The following SLIT3 variants were observed in gnomAD, a reference collection of about 807,000 sequenced individuals.
SLIT3 encodes slit guidance ligand 3, also known as slit homolog 3 protein.
Under a neutral mutation model 184.0 loss-of-function variants are expected in SLIT3, and 68 were observed. That is an observed-to-expected ratio of 0.37 (90% CI 0.30 to 0.45). The LOEUF is 0.45. SLIT3 is among the 20% of genes least tolerant of loss of function. The pLI, the probability that SLIT3 is intolerant of heterozygous loss-of-function variation, is 1.00. For synonymous variants in SLIT3, 831 were observed against 828.6 expected (o/e 1.00, Z -0.05); for missense variants, 1,707 against 2,026.0 (o/e 0.84, Z 3.02).
intron 8 of SLIT3, among the ~76,000 whole-genome samples, chr5:168,810,767 G>A (rs1012432126): frequency 1.3e-5 from 2 of 152,188 alleles, no homozygotes; most frequent in Non-Finnish European, 2.9e-5. Context: ...CAGAGCCTGG[G>A]AGAATGGAGG....
chr5:169,264,784 A>G (rs948345850), intron 1 of SLIT3, among the ~76,000 whole-genome samples: 2 of 152,190 alleles, frequency 1.3e-5, no homozygotes, highest in African/African-American at 4.8e-5. Flanking sequence ...CTTCGTTCTC[A>G]TCTGTTACAT....
intron 3 of SLIT3, among the ~76,000 whole-genome samples, chr5:169,201,912 T>C (rs1338451784): frequency 2.0e-5 from 3 of 152,232 alleles, no homozygotes; most frequent in Non-Finnish European, 4.4e-5. Context: ...TAACCACCAG[T>C]ATGCCTTAAG....
intron 5 of SLIT3, among the ~76,000 whole-genome samples, chr5:168,882,546 G>A (rs1348333456): frequency 1.3e-5 from 2 of 152,200 alleles, no homozygotes; most frequent in Non-Finnish European, 2.9e-5. Context: ...GTGGAGCTGT[G>A]AAATCTGAAG....
At chr5:168,839,051 G>A (rs1416529182) in intron 6 of SLIT3, among the ~76,000 whole-genome samples, 2 of 152,232 alleles carry the variant, frequency 1.3e-5, no homozygotes, top group South Asian at 2.1e-4. Context: ...TACAACTGCT[G>A]TAACATCAAA....
At chr5:168,989,723 G>A (rs1247417432) in intron 4 of SLIT3, among the ~76,000 whole-genome samples, 1 of 152,170 alleles carries the variant, frequency 6.6e-6, no homozygotes, top group Non-Finnish European at 1.5e-5. Flanking sequence ...CCTAAAACGA[G>A]AAGATCAGAG....
At chr5:168,746,339 G>GTGGTGGTGT (rs1357363246) in intron 20 of SLIT3, among the ~76,000 whole-genome samples, 1 of 63,380 alleles carries the variant, frequency 1.6e-5, no homozygotes, top group Non-Finnish European at 3.2e-5. Flanking sequence ...GTGTGAGTGT[G>GTGGTGGTGT]GTGGTGTGGG....
intron 4 of SLIT3, among the ~76,000 whole-genome samples, chr5:168,889,456 G>T (rs1356127372): frequency 2.0e-5 from 3 of 152,174 alleles, no homozygotes; most frequent in Admixed American, 2.0e-4. Flanking sequence ...ACAAAAAAAC[G>T]CCAATTATTT....
At position 168,864,017 on chromosome 5, in the gene SLIT3, G is replaced by A. The variant is rs934771599; in HGVS notation, c.485+19248C>T. 2.1e-5 allele frequency among the ~76,000 whole-genome samples: 3 copies of A among 140,158 alleles called. No homozygotes were observed. In the East Asian group the frequency reaches 6.3e-4, roughly 30 times the overall value. The allele number at this position is 140,158 out of a possible 152,430, so 91.9% of individuals were successfully genotyped here. ...TTGAGACCAGCCTAGGCAACATGGTGAAACCCCATCTCTATAAAAAAATAC... is the reference window on the plus strand; with the variant it reads ...TTGAGACCAGCCTAGGCAACATGGTAAAACCCCATCTCTATAAAAAAATAC... On this transcript the variant is annotated intron_variant, in intron 5 of 35. Coordinates refer to ENST00000519560, the MANE Select transcript of SLIT3 (RefSeq NM_003062.4).
chr5:168,834,890 T>A (rs974205848), intron 6 of SLIT3, among the ~76,000 whole-genome samples: 15 of 151,928 alleles, frequency 9.9e-5, no homozygotes, highest in African/African-American at 3.6e-4. Flanking sequence ...ACATGCCCTG[T>A]CCAGACAGGG....
intron 13 of SLIT3, among the ~76,000 whole-genome samples, chr5:168,773,488 G>A (rs778737673): frequency 2.2e-4 from 33 of 152,096 alleles, no homozygotes; most frequent in Non-Finnish European, 3.8e-4. Context: ...GCACGTGGTC[G>A]GCGTCAATAT....
chr5:168,705,025 CG>C (rs1762336115), intron 26 of SLIT3, among the ~76,000 whole-genome samples: 1 of 152,170 alleles, frequency 6.6e-6, no homozygotes, highest in African/African-American at 2.4e-5. Flanking sequence ...AGGAGAAGAG[CG>C]AGTTCTGTCC....
chr5:169,259,038 AC>A (rs1384156936), intron 1 of SLIT3, among the ~76,000 whole-genome samples: 1 of 152,190 alleles, frequency 6.6e-6, no homozygotes, highest in African/African-American at 2.4e-5. Context: ...GACCCAAAAT[AC>A]CACGTCTGTC....
chr5:169,295,987 T>C (rs1377054977), intron 1 of SLIT3, among the ~76,000 whole-genome samples: 1 of 152,206 alleles, frequency 6.6e-6, no homozygotes, highest in Non-Finnish European at 1.5e-5. Flanking sequence ...TTTTGCAAGG[T>C]TGCTAAGCAA....
chr5:169,072,640 G>A (rs1455910037), intron 4 of SLIT3, among the ~76,000 whole-genome samples: 1 of 152,214 alleles, frequency 6.6e-6, no homozygotes, highest in Non-Finnish European at 1.5e-5. Flanking sequence ...GCCACCCATG[G>A]AGGAGGTTAG....
intron 4 of SLIT3, among the ~76,000 whole-genome samples, chr5:168,904,547 G>C (rs909604168): frequency 1.1e-4 from 17 of 152,094 alleles, no homozygotes; most frequent in African/African-American, 3.6e-4. Flanking sequence ...TCATGTGCTA[G>C]TATGTTTCTA....
intron 5 of SLIT3, among the ~76,000 whole-genome samples, chr5:168,857,040 C>T (rs1302127827): frequency 6.6e-6 from 1 of 151,926 alleles, no homozygotes; most frequent in African/African-American, 2.4e-5. Context: ...CTAAATTCTC[C>T]CAGGACTCTC....
At chr5:168,923,633 C>T (rs111509162) in intron 4 of SLIT3, among the ~76,000 whole-genome samples, 4,249 of 151,914 alleles carry the variant, frequency 0.028, 187 homozygotes, top group East Asian at 0.13. Flanking sequence ...TCTCCTGCCT[C>T]GGCCTCTCAG....
Position 169,121,349 on chromosome 5 carries a change from A to G in SLIT3, c.413+72130T>C, listed in dbSNP as rs1037270668. Among the ~76,000 whole-genome samples the G allele has an allele frequency of 3.3e-5, 5 of 152,214 alleles. No individual in the cohort carries two copies. In the East Asian group the frequency reaches 9.6e-4, roughly 29 times the overall value. On this transcript the variant is annotated intron_variant, in intron 4 of 35. Transcript: ENST00000519560. ...TTAAAGTCACATTCTCATGTGGCATAGTTTGTGTGGCTTTAGACCCATCGG... is the reference window on the plus strand; with the variant it reads ...TTAAAGTCACATTCTCATGTGGCATGGTTTGTGTGGCTTTAGACCCATCGG...
At chr5:169,193,676 T>C (rs541905047) in intron 3 of SLIT3, 126 bp from the exon 4 acceptor site, 3 of 768,010 alleles carry the variant, frequency 3.9e-6, no homozygotes, top group South Asian at 1.4e-5. Flanking sequence ...CGTCTTTCAG[T>C]ATGGGCTGCT....
Sources: allele counts gnomAD v4.1 joint callset (sites outside exome capture counted in the v4.1 genomes callset), GRCh38; gene constraint gnomAD v4.1.1; transcripts MANE v1.5; gene names NCBI Gene and HGNC (gene_info 2026-07-23, HGNC 2026-07-21).